The following NPHP4 variants were observed in gnomAD, a reference collection of about 807,000 sequenced individuals.
NPHP4 encodes the protein nephrocystin-4.
NPHP4 carries 151 observed loss-of-function variants against 155.8 expected under a neutral mutation model. The ratio of observed to expected loss-of-function variants is 0.97; its 90% CI spans 0.85 to 1.11. The LOEUF (loss-of-function observed/expected upper bound fraction) is 1.11. NPHP4 is among the 50% of genes least tolerant of loss of function. The pLI is 0.00. For missense variants in NPHP4, 1,956 were observed against 1,925.7 expected (o/e 1.02, Z -0.29); for synonymous variants, 845 against 816.8 (o/e 1.03, Z -0.59).
intron 7 of NPHP4, among the ~76,000 whole-genome samples, chr1:5,950,977 G>A (rs573183796): frequency 2.3e-4 from 35 of 152,300 alleles, no homozygotes; most frequent in African/African-American, 7.5e-4. Flanking sequence ...AGCCTCCCAC[G>A]GGAGCATGGT....
chr1:5,894,686 C>CA (rs940495336), intron 16 of NPHP4, among the ~76,000 whole-genome samples: 138 of 142,808 alleles, frequency 9.7e-4, no homozygotes, highest in Middle Eastern at 3.5e-3. Flanking sequence ...TTAAGCAGCT[C>CA]AAAAAAAAAA....
At chr1:5,864,717 C>A in intron 27 of NPHP4, 200 bp from the exon 28 acceptor site, 1 of 550,598 alleles carries the variant, frequency 1.8e-6, no homozygotes. Flanking sequence ...CCTCCTCTCA[C>A]ACGGCGACTA....
chr1:5,990,445 G>A (rs1323406388), intron 1 of NPHP4, among the ~76,000 whole-genome samples: 1 of 151,068 alleles, frequency 6.6e-6, no homozygotes, highest in Non-Finnish European at 1.5e-5. Flanking sequence ...GGCTCTCCAG[G>A]GGAAAAAAAA....
chr1:5,978,382 C>T lies in NPHP4; in HGVS notation c.167G>A (p.Cys56Tyr), dbSNP rs865792284. The change falls in exon 3 of 30, where the codon TGC (cysteine) becomes TAC (tyrosine). Residue 56 changes from cysteine to tyrosine, a missense_variant. Transcript: ENST00000378156. Reference protein sequence around the residue: ...GVLEVLSEVECHLRVSFFDVT... With the variant: ...GVLEVLSEVEYHLRVSFFDVT... ...ATCAAAGAAAGACACTCGCAGATGG[C>T]ATTCAACCTCTGACAGTACCTCCAG... 1 of 1,606,450 alleles carries T rather than the reference C, an allele frequency of 6.2e-7. No individual in the cohort carries two copies.
chr1:5,864,534 G>C lies in NPHP4; in HGVS notation c.3817-17C>G, dbSNP rs1412557461. The C allele has an allele frequency of 2.2e-5, 34 of 1,518,848 alleles. No homozygotes were observed. Among genetic ancestry groups the C allele is most frequent in the Admixed American group, 8.4e-5 (4 of 47,834 alleles). The allele number at this position is 1,518,848 out of a possible 1,614,324, so 94.1% of individuals were successfully genotyped here. ...GGGGTCTGTCTTCAAGAGCGAGAGA[G>C]GCGGGTCAGAGCACAGCCTCTCAGG... On this transcript the variant is annotated splice_polypyrimidine_tract_variant and intron_variant, in intron 27 of 29. Coordinates refer to ENST00000378156, the MANE Select transcript of NPHP4 (RefSeq NM_015102.5).
At chr1:5,972,345 A>G (rs1218763651) in intron 3 of NPHP4, among the ~76,000 whole-genome samples, 1 of 80,242 alleles carries the variant, frequency 1.2e-5, no homozygotes, top group East Asian at 3.7e-4. Flanking sequence ...CAAAGACAGC[A>G]GGGATCGGGG....
Position 5,988,066 on chromosome 1 carries a change from A to G in NPHP4, c.-38-1739T>C, listed in dbSNP as rs115933129. Among the ~76,000 whole-genome samples the G allele has an allele frequency of 6.8e-3, 1,030 of 152,350 alleles. 5 individuals carry two copies. Among genetic ancestry groups the G allele is most frequent in the Non-Finnish European group, 0.011 (767 of 68,032 alleles). On this transcript the variant is annotated intron_variant, in intron 1 of 29. Transcript: ENST00000378156. ...GTTGGAAGGTCTGCATGACTCCGTG[A>G]ACCAATATTTTCTGAACAATGCGTA...
intron 7 of NPHP4, 49 bp from the exon 8 acceptor site, chr1:5,948,300 A>ACTTCT: frequency 7.0e-7 from 1 of 1,429,544 alleles, no homozygotes; most frequent in Non-Finnish European, 9.3e-7. Flanking sequence ...GGAAAGAGGG[A>ACTTCT]GCTCGCCAGA....
chr1:5,912,441 G>A (rs1645227639), intron 11 of NPHP4, among the ~76,000 whole-genome samples: 1 of 151,846 alleles, frequency 6.6e-6, no homozygotes, highest in Non-Finnish European at 1.5e-5. Flanking sequence ...AGGAGGCTGA[G>A]GCAGGAGAAT....
chr1:5,909,230 T>G lies in NPHP4; in HGVS notation c.1442-17A>C. ...CTGGCGGGCCTGGGAGGAAGCACAG[T>G]GGGGTAGGAGAGGGAATGTGTCAGC... On this transcript the variant is annotated splice_polypyrimidine_tract_variant and intron_variant, in intron 11 of 29. Transcript: ENST00000378156. 6.3e-7 allele frequency: 1 copy of G among 1,595,060 alleles called. No individual in the cohort carries two copies. Among genetic ancestry groups the G allele is most frequent in the Non-Finnish European group, 8.5e-7 (1 of 1,170,292 alleles).
At chr1:5,888,781 C>T (rs913475488) in intron 17 of NPHP4, among the ~76,000 whole-genome samples, 3 of 152,206 alleles carry the variant, frequency 2.0e-5, no homozygotes, top group African/African-American at 7.2e-5. Context: ...GACACAGTGC[C>T]CTCTGTCTTC....
At position 5,887,312 on chromosome 1, in the gene NPHP4, C is replaced by T. The variant is rs759656675; in HGVS notation, c.2459G>A (p.Arg820Gln). ...PIGVHSVVKG[R>Q]LHLTLANVGH... ...CACGTTGGCCAAAGTCAGGTGCAGC[C>T]GGCCCTTCACCACCGAGTGGACGCC... The change falls in exon 18 of 30, where the codon CGG becomes CAG. Residue 820 changes from arginine (R) to glutamine (Q), a missense_variant. Physicochemically the swap from Arg to Gln is conservative, Grantham distance 43 (BLOSUM62 1). Transcript: ENST00000378156. The T allele has an allele frequency of 2.2e-5, 35 of 1,613,290 alleles. No individual in the cohort carries two copies. The highest frequency in any genetic ancestry group is 2.7e-5 in the Non-Finnish European group (32 of 1,179,798).
chr1:5,863,730 C>A (rs1429048405), intron 29 of NPHP4, 160 bp downstream of exon 29: 3 of 748,734 alleles, frequency 4.0e-6, no homozygotes, highest in Non-Finnish European at 6.7e-6. Context: ...ACTAAAGATA[C>A]AACGGGCCCA....
chr1:5,988,438 A>G (rs138294503), intron 1 of NPHP4, among the ~76,000 whole-genome samples: 1 of 152,228 alleles, frequency 6.6e-6, no homozygotes, highest in Non-Finnish European at 1.5e-5. Flanking sequence ...CCACTCTTCT[A>G]AATTTTTTTT....
At chr1:5,936,195 T>G (rs994828632) in intron 9 of NPHP4, among the ~76,000 whole-genome samples, 5 of 152,346 alleles carry the variant, frequency 3.3e-5, no homozygotes, top group African/African-American at 1.2e-4. Context: ...ACTTTTCTGT[T>G]TAACAGCTTT....
intron 1 of NPHP4, among the ~76,000 whole-genome samples, chr1:5,990,190 C>T (rs1398287117): frequency 6.6e-6 from 1 of 152,222 alleles, no homozygotes; most frequent in Non-Finnish European, 1.5e-5. Flanking sequence ...GAGCCCCATC[C>T]CCCACCTCCG....
chr1:5,915,122 G>T (rs1428833522), intron 11 of NPHP4, among the ~76,000 whole-genome samples: 1 of 152,216 alleles, frequency 6.6e-6, no homozygotes, highest in Non-Finnish European at 1.5e-5. Flanking sequence ...GAGAAGTCCT[G>T]AGGGAGGAGG....
At position 5,933,061 on chromosome 1, in the gene NPHP4, A is replaced by G. The variant is rs1019107345; in HGVS notation, c.1302+86T>C. The G allele has an allele frequency of 6.3e-6, 7 of 1,107,790 alleles. No homozygotes were observed. In the African/African-American group the frequency reaches 1.1e-4, roughly 17 times the overall value. The allele number at this position is 1,107,790 out of a possible 1,614,324, so 68.6% of individuals were successfully genotyped here. On this transcript the variant is annotated intron_variant, in intron 10 of 29. Transcript: ENST00000378156. ...AAATTCTGTAAATGAAACATCTGCAAACATATTTGTGAACTTTTGCTTTTG... is the reference window on the plus strand; with the variant it reads ...AAATTCTGTAAATGAAACATCTGCAGACATATTTGTGAACTTTTGCTTTTG...
intron 20 of NPHP4, chr1:5,876,869 C>A (rs962152241): frequency 1.5e-5 from 6 of 394,840 alleles, no homozygotes; most frequent in Non-Finnish European, 2.7e-5. Context: ...GTATCAGAAT[C>A]TCCAGGGGTG....
Sources: gnomAD v4.1 joint callset for allele counts (sites outside exome capture counted in the v4.1 genomes callset) on GRCh38, gnomAD v4.1.1 for gene constraint, MANE v1.5 for transcripts, NCBI Gene and HGNC (gene_info 2026-07-23, HGNC 2026-07-21) for gene names.